The following GRID2 variants were observed in gnomAD, a reference collection of about 807,000 sequenced individuals.
GRID2 encodes the protein glutamate receptor ionotropic, delta-2.
A neutral mutation model predicts 114.8 loss-of-function variants in GRID2; 33 were observed. The observed-to-expected ratio is 0.29, with a 90% confidence interval of 0.22 to 0.38. The LOEUF (loss-of-function observed/expected upper bound fraction) is 0.38. Among genes scored for constraint, GRID2 ranks in the 10% least tolerant of loss-of-function variants. GRID2 has a pLI of 1.00. For missense variants in GRID2, 1,184 were observed against 1,257.7 expected, an observed-to-expected ratio of 0.94 and a Z score of 0.89; for synonymous variants, 505 against 449.9, an observed-to-expected ratio of 1.12 and a Z score of -1.55.
At chr4:93,085,890 G>A (rs537249470) in intron 3 of GRID2, among the ~76,000 whole-genome samples, 88 of 152,142 alleles carry the variant, frequency 5.8e-4, no homozygotes, top group African/African-American at 1.9e-3. Context: ...AAAACACAAA[G>A]CATTGTCCCT....
At chr4:92,576,714 G>T (rs572027058) in intron 1 of GRID2, among the ~76,000 whole-genome samples, 4 of 152,274 alleles carry the variant, frequency 2.6e-5, no homozygotes, top group African/African-American at 9.6e-5. Context: ...TCCATGGTTT[G>T]CAAAGCTCTG....
chr4:92,461,343 T>C (rs2149088019), intron 1 of GRID2, among the ~76,000 whole-genome samples: 1 of 152,022 alleles, frequency 6.6e-6, no homozygotes, highest in Middle Eastern at 3.4e-3. Context: ...ATCATTTTCT[T>C]ATAATGTTGA....
In GRID2 at chr4:93,307,950, T is replaced by A. The variant is rs542603568; in HGVS notation, c.1245+69460T>A. Reference sequence around the variant, plus strand: ...TTAATTTCTTTCTGATTTTTTTTTTTAAAAACTTTTATTACCAGAGGCCTG... The same window carrying A: ...TTAATTTCTTTCTGATTTTTTTTTTAAAAAACTTTTATTACCAGAGGCCTG... On this transcript the variant is annotated intron_variant, in intron 8 of 15. Coordinates refer to ENST00000282020, the MANE Select transcript of GRID2 (RefSeq NM_001510.4). Among the ~76,000 whole-genome samples, 201 of 150,442 alleles carry A rather than the reference T, an allele frequency of 1.3e-3. 2 individuals are homozygous for A. Among genetic ancestry groups the A allele is most frequent in the East Asian group, 3.7e-3 (19 of 5,162 alleles).
chr4:93,359,010 T>G (rs1761614295), intron 8 of GRID2, among the ~76,000 whole-genome samples: 1 of 152,072 alleles, frequency 6.6e-6, no homozygotes, highest in African/African-American at 2.4e-5. Context: ...AGTCTATGGT[T>G]GATGGGATGT....
At chr4:93,356,868 AAC>A (rs890554239) in intron 8 of GRID2, among the ~76,000 whole-genome samples, 3 of 151,854 alleles carry the variant, frequency 2.0e-5, no homozygotes, top group Admixed American at 2.0e-4. Flanking sequence ...AGCATTTTGG[AAC>A]AGTTTTTATG....
chr4:92,652,736 T>G (rs1457490925), intron 2 of GRID2, among the ~76,000 whole-genome samples: 1 of 138,854 alleles, frequency 7.2e-6, no homozygotes, highest in South Asian at 2.5e-4. Context: ...TTTGGGAGGC[T>G]GGGGGGGTTG....
chr4:93,739,240 A>G (rs1731173703), intron 14 of GRID2, among the ~76,000 whole-genome samples: 1 of 152,134 alleles, frequency 6.6e-6, no homozygotes, highest in Non-Finnish European at 1.5e-5. Flanking sequence ...GTATGTTTGC[A>G]TTTAACACAC....
intron 10 of GRID2, among the ~76,000 whole-genome samples, chr4:93,450,554 G>A (rs1051221160): frequency 6.6e-6 from 1 of 151,594 alleles, no homozygotes; most frequent in African/African-American, 2.4e-5. Flanking sequence ...ATTAAATTTA[G>A]AGTAAATGTA....
chr4:93,673,173 A>G (rs1724576078), intron 14 of GRID2, among the ~76,000 whole-genome samples: 1 of 152,220 alleles, frequency 6.6e-6, no homozygotes, highest in Admixed American at 6.5e-5. Context: ...AGTAGAGATT[A>G]AACAGAGCAG....
At chr4:92,909,290 G>A (rs1748195519) in intron 2 of GRID2, among the ~76,000 whole-genome samples, 1 of 149,676 alleles carries the variant, frequency 6.7e-6, no homozygotes, top group Non-Finnish European at 1.5e-5. Flanking sequence ...AAATGCTTTA[G>A]CAAACCAAAA....
intron 2 of GRID2, among the ~76,000 whole-genome samples, chr4:92,740,550 A>G (rs1449468753): frequency 1.3e-5 from 2 of 152,196 alleles, no homozygotes; most frequent in African/African-American, 2.4e-5. Flanking sequence ...CAATCACTGT[A>G]AACTGGCTTT....
chr4:92,948,289 T>G (rs987313572), intron 2 of GRID2, among the ~76,000 whole-genome samples: 5 of 151,920 alleles, frequency 3.3e-5, no homozygotes, highest in Non-Finnish European at 7.4e-5. Context: ...TAACATCCTT[T>G]TTTGCTACTT....
intron 2 of GRID2, among the ~76,000 whole-genome samples, chr4:92,678,197 G>C (rs371006757): frequency 6.6e-6 from 1 of 151,868 alleles, no homozygotes; most frequent in Non-Finnish European, 1.5e-5. Context: ...CTCCCCCTGC[G>C]TATCTATCAG....
intron 8 of GRID2, among the ~76,000 whole-genome samples, chr4:93,329,500 A>G (rs964607373): frequency 1.3e-5 from 2 of 152,132 alleles, no homozygotes; most frequent in Admixed American, 1.3e-4. Context: ...TGCTATCATG[A>G]AAGAAAACTA....
At position 93,581,591 on chromosome 4, in the gene GRID2, G is replaced by A. The variant is rs115987735; in HGVS notation, c.2194-44678G>A. Among the ~76,000 whole-genome samples, 880 of 152,160 alleles carry A rather than the reference G, an allele frequency of 5.8e-3. 12 individuals carry two copies. The highest frequency in any genetic ancestry group is 0.019 in the African/African-American group (804 of 41,506). ...TTTAAACTAGAAAGGACCAAATGCC[G>A]AACCTACTCATGTACAGATGAGAAA... On this transcript the variant is annotated intron_variant, in intron 13 of 15. Coordinates refer to ENST00000282020, the MANE Select transcript of GRID2 (RefSeq NM_001510.4).
Position 93,422,762 on chromosome 4 carries a change from T to G in GRID2, c.1348-9T>G. ...ATTGACATCAGAAATTTCTCTTATT[T>G]CCATGTAGGAAGAACCTTTTGTGAT... is the stretch of plus-strand genomic sequence containing the variant. On this transcript the variant is annotated splice_polypyrimidine_tract_variant and intron_variant, in intron 9 of 15. Transcript: ENST00000282020. The G allele has an allele frequency of 1.3e-6, 2 of 1,589,202 alleles. No homozygotes were observed. The highest frequency in any genetic ancestry group is 1.7e-6 in the Non-Finnish European group (2 of 1,157,858).
At chr4:92,923,022 G>T (rs757841588) in intron 2 of GRID2, among the ~76,000 whole-genome samples, 11 of 152,072 alleles carry the variant, frequency 7.2e-5, no homozygotes, top group Non-Finnish European at 1.5e-4. Context: ...TATGAATTTT[G>T]TTCTTTTTTG....
At chr4:93,320,298 T>TCTCTA (rs1757080470) in intron 8 of GRID2, among the ~76,000 whole-genome samples, 3 of 152,086 alleles carry the variant, frequency 2.0e-5, no homozygotes, top group African/African-American at 7.2e-5. Flanking sequence ...ACAGGCAAGA[T>TCTCTA]TGCATTAGAG....
intron 4 of GRID2, among the ~76,000 whole-genome samples, chr4:93,201,739 G>A (rs567298358): frequency 2.1e-4 from 32 of 152,122 alleles, no homozygotes; most frequent in Non-Finnish European, 3.7e-4. Context: ...GCTCGGGCAG[G>A]GTTGTTGATT....
Sources: allele counts gnomAD v4.1 joint callset (sites outside exome capture counted in the v4.1 genomes callset), GRCh38; gene constraint gnomAD v4.1.1; transcripts MANE v1.5; gene names NCBI Gene and HGNC (gene_info 2026-07-23, HGNC 2026-07-21).